The following ZNF365 variants were observed in gnomAD, a reference collection of about 807,000 sequenced individuals.
ZNF365 encodes zinc finger protein 365.
Under a neutral mutation model 35.0 loss-of-function variants are expected in ZNF365, and 22 were observed. The observed-to-expected ratio is 0.63, with a 90% CI of 0.45 to 0.90. ZNF365 has a LOEUF of 0.90. ZNF365 is among the 40% of genes least tolerant of loss of function. ZNF365 has a pLI of 0.00. For synonymous variants in ZNF365, 188 were observed against 196.2 expected (o/e 0.96, Z 0.35); for missense variants, 448 against 500.3 (o/e 0.90, Z 1.00).
intron 3 of ZNF365, among the ~76,000 whole-genome samples, chr10:62,416,186 AC>A (rs1840071160): frequency 7.4e-6 from 1 of 134,712 alleles, no homozygotes; most frequent in Non-Finnish European, 1.6e-5. Flanking sequence ...CTCCCTCAGC[AC>A]AGGTCCTTAC....
intron 3 of ZNF365, among the ~76,000 whole-genome samples, chr10:62,389,827 G>A (rs1022954218): frequency 6.6e-6 from 1 of 152,168 alleles, no homozygotes; most frequent in Non-Finnish European, 1.5e-5. Context: ...CATCTGTGAG[G>A]TTTCAGGTGC....
At chr10:62,440,606 G>T (rs1840484015) in intron 3 of ZNF365, among the ~76,000 whole-genome samples, 1 of 152,162 alleles carries the variant, frequency 6.6e-6, no homozygotes, top group Admixed American at 6.6e-5. Context: ...CAAATTGACA[G>T]ATATGAGATA....
chr10:62,382,458 G>T (rs1328209933), intron 2 of ZNF365, among the ~76,000 whole-genome samples: 1 of 152,156 alleles, frequency 6.6e-6, no homozygotes, highest in East Asian at 1.9e-4. Context: ...CTCAGGGTTG[G>T]CACATGGTAA....
At chr10:62,467,325 G>A (rs1013595221) in intron 4 of ZNF365, among the ~76,000 whole-genome samples, 1 of 152,142 alleles carries the variant, frequency 6.6e-6, no homozygotes, top group Admixed American at 6.5e-5. Context: ...ATCTTTGACA[G>A]TTTATAGATA....
rs1417247180 is a variant in ZNF365, at chr10:62,402,294, A to G, written c.*2505A>G. The G allele has an allele frequency of 1.0e-6, 1 of 985,554 alleles. No individual in the cohort carries two copies. The highest frequency in any genetic ancestry group is 1.2e-6 in the Non-Finnish European group (1 of 829,932). The allele number at this position is 985,554 out of a possible 1,614,324, so 61.1% of individuals were successfully genotyped here. ...TTTTCCCTTTTTCCCAAACTAGGTT[A>G]CAGGTTCTTATCTGCAAGGTTCAAG... On this transcript the variant is annotated 3_prime_UTR_variant, in exon 5 of 5. Transcript: ENST00000395254.
chr10:62,379,190 T>G (rs1019033745), intron 2 of ZNF365, among the ~76,000 whole-genome samples: 2 of 151,912 alleles, frequency 1.3e-5, no homozygotes, highest in Admixed American at 6.5e-5. Context: ...ACCCAGCTAT[T>G]TTTTTGTATT....
intron 3 of ZNF365, among the ~76,000 whole-genome samples, chr10:62,394,872 A>G (rs538676595): frequency 3.3e-5 from 5 of 151,896 alleles, no homozygotes; most frequent in Admixed American, 1.3e-4. Context: ...GAGGGAGGGA[A>G]CTAAGGTGGT....
chr10:62,400,518 C>G lies in ZNF365; in HGVS notation c.*729C>G. The G allele has an allele frequency of 2.0e-6, 2 of 986,010 alleles. No homozygotes were observed. Among genetic ancestry groups the G allele is most frequent in the Non-Finnish European group, 2.4e-6 (2 of 829,956 alleles). 61.1% of individuals were successfully genotyped at this position (986,010 alleles called of 1,614,324 possible). On this transcript the variant is annotated 3_prime_UTR_variant, in exon 5 of 5. Coordinates refer to ENST00000395254, the MANE Select transcript of ZNF365 (RefSeq NM_014951.3). The stretch of plus-strand genomic sequence containing the variant: ...TGCACCCACAGACCATGCTGCCAGC[C>G]TCTATCTTAATAGCTGCTTCTGTGG...
In ZNF365 at chr10:62,388,376, C is replaced by G. The variant is rs1470844719; in HGVS notation, c.744-20C>G. 1 of 1,613,834 alleles carries G rather than the reference C, an allele frequency of 6.2e-7. No individual in the cohort carries two copies. The highest frequency in any genetic ancestry group is 8.5e-7 in the Non-Finnish European group (1 of 1,179,808). ...TTGCCTTATATTTCCCTTTTGTGTT[C>G]TGACATTTTTGCCTTGCAGAGAAGT... is the stretch of plus-strand genomic sequence containing the variant. On this transcript the variant is annotated intron_variant, in intron 2 of 4. Coordinates refer to ENST00000395254, the MANE Select transcript of ZNF365 (RefSeq NM_014951.3).
chr10:62,461,977 C>CT (rs146325796), intron 4 of ZNF365, among the ~76,000 whole-genome samples: 1,839 of 151,442 alleles, frequency 0.012, 30 homozygotes, highest in African/African-American at 0.042. Context: ...TCTCCCCATC[C>CT]TTTTTTTTTA....
At chr10:62,442,826 A>C (rs959763901) in intron 3 of ZNF365, among the ~76,000 whole-genome samples, 1 of 152,104 alleles carries the variant, frequency 6.6e-6, no homozygotes, top group African/African-American at 2.4e-5. Context: ...CATGGGGGGA[A>C]TTTCTGAGAT....
chr10:62,450,379 A>C (rs1283559155), intron 3 of ZNF365, among the ~76,000 whole-genome samples: 3 of 152,232 alleles, frequency 2.0e-5, no homozygotes, highest in Non-Finnish European at 2.9e-5. Flanking sequence ...GAGGCTTCTC[A>C]GGATGATTTT....
intron 3 of ZNF365, among the ~76,000 whole-genome samples, chr10:62,455,110 C>A (rs1589463151): frequency 6.6e-6 from 1 of 152,096 alleles, no homozygotes; most frequent in Non-Finnish European, 1.5e-5. Context: ...TTGGACTGGG[C>A]AGTTAACTTG....
chr10:62,449,677 C>A (rs1441937115), intron 3 of ZNF365, among the ~76,000 whole-genome samples: 1 of 152,114 alleles, frequency 6.6e-6, no homozygotes, highest in Non-Finnish European at 1.5e-5. Flanking sequence ...GAGATCTGTC[C>A]ACACTGGCAG....
intron 3 of ZNF365, among the ~76,000 whole-genome samples, chr10:62,452,131 C>T (rs1589461548): frequency 1.3e-5 from 2 of 152,122 alleles, no homozygotes; most frequent in East Asian, 3.8e-4. Context: ...TTCTTCATTG[C>T]TGCATCACAT....
chr10:62,432,364 T>C (rs891298924), intron 3 of ZNF365, among the ~76,000 whole-genome samples: 2 of 151,504 alleles, frequency 1.3e-5, no homozygotes, highest in Non-Finnish European at 2.9e-5. Flanking sequence ...AGCCAATACT[T>C]TGTTAATTCA....
chr10:62,399,549 G>T lies in ZNF365; in HGVS notation c.984G>T (p.Ser328=). ...GTAGAAGCCGAGGGCACCCGCATTC[G>T]GTATGTAACCACCCTGATCTCAAGG... ...PKCLSRGHPH[S]VCNHPDLKAH... Residue 328 remains serine, a synonymous_variant, in exon 5 of 5, where the codon TCG becomes TCT. Transcript: ENST00000395254. The T allele has an allele frequency of 6.2e-7, 1 of 1,613,924 alleles. No homozygotes were observed. The highest frequency in any genetic ancestry group is 8.5e-7 in the Non-Finnish European group (1 of 1,179,970).
chr10:62,471,386 A>T (rs1841035842), intron 4 of ZNF365, among the ~76,000 whole-genome samples: 2 of 148,942 alleles, frequency 1.3e-5, no homozygotes, highest in East Asian at 2.0e-4. Flanking sequence ...AAAAAAAAAT[A>T]GGTATTCTCT....
At chr10:62,414,231 T>C (rs111257042) in intron 3 of ZNF365, among the ~76,000 whole-genome samples, 3,761 of 151,896 alleles carry the variant, frequency 0.025, 159 homozygotes, top group African/African-American at 0.086. Flanking sequence ...ACAGAATCTC[T>C]TTCTGTCACC....
Sources: gnomAD v4.1 joint callset for allele counts (sites outside exome capture counted in the v4.1 genomes callset) on GRCh38, gnomAD v4.1.1 for gene constraint, MANE v1.5 for transcripts, NCBI Gene and HGNC (gene_info 2026-07-23, HGNC 2026-07-21) for gene names.